The following TENM2 variants were observed in gnomAD, a reference collection of about 807,000 sequenced individuals.
TENM2 encodes teneurin-2.
TENM2 carries 52 observed loss-of-function variants against 245.2 expected under a neutral mutation model. The ratio of observed to expected loss-of-function variants is 0.21; its 90% confidence interval spans 0.17 to 0.27. The LOEUF (loss-of-function observed/expected upper bound fraction) is 0.27. Ranked by LOEUF, TENM2 falls within the 10% of genes least tolerant of loss-of-function variation. TENM2 has a pLI of 1.00. For synonymous variants in TENM2, 1,363 were observed against 1,438.9 expected (o/e 0.95, Z 1.19); for missense variants, 3,046 against 3,666.8 (o/e 0.83, Z 4.37).
the TENM2 span, among the ~76,000 whole-genome samples, chr5:167,258,351 T>A: frequency 6.6e-6 from 1 of 151,946 alleles, no homozygotes; most frequent in African/African-American, 2.4e-5. Context: ...TAAACTTTCC[T>A]ATGTAACAAA....
chr5:167,821,656 A>G (rs1767537889), intron 2 of TENM2, among the ~76,000 whole-genome samples: 1 of 152,132 alleles, frequency 6.6e-6, no homozygotes, highest in Non-Finnish European at 1.5e-5. Context: ...TTCTTTCTCC[A>G]TTTAAAATAT....
At chr5:167,516,789 A>G (rs1770409551) in intron 2 of TENM2, among the ~76,000 whole-genome samples, 1 of 152,210 alleles carries the variant, frequency 6.6e-6, no homozygotes, top group South Asian at 2.1e-4. Flanking sequence ...TTGCGGCTTC[A>G]TTAAAATTCT....
the TENM2 span, among the ~76,000 whole-genome samples, chr5:167,152,489 T>G: frequency 6.6e-6 from 1 of 152,218 alleles, no homozygotes. Context: ...AGTTTTAAAA[T>G]AGTTCTACAA....
chr5:167,473,545 C>T (rs1353888547), intron 2 of TENM2, among the ~76,000 whole-genome samples: 1 of 152,078 alleles, frequency 6.6e-6, no homozygotes, highest in African/African-American at 2.4e-5. Flanking sequence ...TATATTCTAC[C>T]TGAATCTTTG....
chr5:167,553,167 A>G (rs1056850928), intron 2 of TENM2, among the ~76,000 whole-genome samples: 1 of 152,308 alleles, frequency 6.6e-6, no homozygotes, highest in Non-Finnish European at 1.5e-5. Context: ...TGCTGAAACT[A>G]AAGGATGAAG....
At chr5:167,288,038 A>G (rs570388553) in intron 1 of TENM2, among the ~76,000 whole-genome samples, 3 of 152,132 alleles carry the variant, frequency 2.0e-5, no homozygotes, top group Non-Finnish European at 2.9e-5. Flanking sequence ...CCAAGTTCCC[A>G]GGCAGTTTGT....
the TENM2 span, among the ~76,000 whole-genome samples, chr5:167,157,645 A>G: frequency 5.3e-5 from 8 of 152,330 alleles, no homozygotes; most frequent in South Asian, 1.7e-3. Flanking sequence ...TGTAATTGTT[A>G]ATTATTTATT....
At chr5:167,822,979 T>G (rs1206917688) in intron 2 of TENM2, among the ~76,000 whole-genome samples, 1 of 152,214 alleles carries the variant, frequency 6.6e-6, no homozygotes, top group Non-Finnish European at 1.5e-5. Flanking sequence ...AATGAACTAT[T>G]TGAGAAAGTG....
intron 2 of TENM2, among the ~76,000 whole-genome samples, chr5:167,822,507 A>T (rs551808479): frequency 1.3e-5 from 2 of 152,070 alleles, no homozygotes; most frequent in Non-Finnish European, 2.9e-5. Flanking sequence ...TTAATTTAAC[A>T]AAACATTAAA....
intron 2 of TENM2, among the ~76,000 whole-genome samples, chr5:167,798,153 G>A (rs1765452341): frequency 6.6e-6 from 1 of 152,212 alleles, no homozygotes; most frequent in Admixed American, 6.5e-5. Context: ...GAAAGTGGAA[G>A]AGCTGGGATT....
intron 2 of TENM2, among the ~76,000 whole-genome samples, chr5:167,565,823 C>T (rs1773872895): frequency 6.6e-6 from 1 of 152,110 alleles, no homozygotes; most frequent in African/African-American, 2.4e-5. Flanking sequence ...TGCTCTCACA[C>T]TAATATATGG....
chr5:167,822,105 C>A (rs1425006080), intron 2 of TENM2, among the ~76,000 whole-genome samples: 1 of 152,008 alleles, frequency 6.6e-6, no homozygotes, highest in African/African-American at 2.4e-5. Context: ...TGTTTGGACA[C>A]TTTTCCAGCA....
the TENM2 span, among the ~76,000 whole-genome samples, chr5:167,047,305 A>G: frequency 6.6e-6 from 1 of 152,110 alleles, no homozygotes; most frequent in Middle Eastern, 3.2e-3. Flanking sequence ...CCATGTAATC[A>G]TTTTGTTTTT....
intron 5 of TENM2, among the ~76,000 whole-genome samples, chr5:168,042,590 G>C (rs1028224869): frequency 9.2e-5 from 14 of 151,800 alleles, no homozygotes; most frequent in Non-Finnish European, 1.5e-5. Context: ...GTGGTTGCTG[G>C]AGAATCCTCA....
chr5:167,951,568 A>G (rs1780104425), intron 3 of TENM2, among the ~76,000 whole-genome samples: 1 of 152,176 alleles, frequency 6.6e-6, no homozygotes, highest in Non-Finnish European at 1.5e-5. Context: ...ATATTTTCCA[A>G]GGGAGAGCTC....
rs1252293535 is a variant in TENM2 at position 167,722,034 on chromosome 5, G to T, written c.503-153952G>T. 2.6e-5 allele frequency among the ~76,000 whole-genome samples: 4 copies of T among 152,274 alleles called. No individual in the cohort carries two copies. The South Asian group carries it at 6.2e-4, about 24-fold the overall frequency. ...TAAACCTCCCAAAGATGCTGAGTAG[G>T]CTCTGTCCCAGGGCCAATGATGGCT... On this transcript the variant is annotated intron_variant, in intron 2 of 28. Transcript: ENST00000518659.
intron 2 of TENM2, among the ~76,000 whole-genome samples, chr5:167,718,471 A>G: frequency 6.6e-6 from 1 of 152,218 alleles, no homozygotes; most frequent in East Asian, 1.9e-4. Flanking sequence ...TGTACGTGAA[A>G]GCAGTGTGAA....
the TENM2 span, among the ~76,000 whole-genome samples, chr5:167,172,463 G>A: frequency 6.6e-6 from 1 of 152,114 alleles, no homozygotes; most frequent in African/African-American, 2.4e-5. Flanking sequence ...TAGCTGTGGT[G>A]GAGCTGGAAG....
chr5:168,053,904 C>G (rs1379267780), intron 6 of TENM2, among the ~76,000 whole-genome samples: 1 of 152,132 alleles, frequency 6.6e-6, no homozygotes, highest in African/African-American at 2.4e-5. Context: ...AAGCAAGTCA[C>G]TTATCTTCCA....
Sources: allele counts gnomAD v4.1 joint callset (sites outside exome capture counted in the v4.1 genomes callset), GRCh38; gene constraint gnomAD v4.1.1; transcripts MANE v1.5; gene names NCBI Gene and HGNC (gene_info 2026-07-23, HGNC 2026-07-21).